Variants in KAT6B observed in about 807,000 individuals in gnomAD.
The protein encoded by KAT6B is histone acetyltransferase KAT6B.
KAT6B carries 10 observed loss-of-function variants against 187.5 expected under a neutral mutation model. The observed-to-expected ratio is 0.05, with a 90% CI of 0.03 to 0.09. The LOEUF is 0.09. Among genes scored for constraint, KAT6B ranks in the 10% least tolerant of loss-of-function variants. The pLI is 1.00. For synonymous variants in KAT6B, 861 were observed against 926.8 expected (o/e 0.93, Z 1.29); for missense variants, 1,952 against 2,558.9 (o/e 0.76, Z 5.12).
intron 7 of KAT6B, 79 bp from the exon 8 acceptor site, chr10:74,975,320 G>GT: frequency 8.6e-7 from 1 of 1,159,550 alleles, no homozygotes; most frequent in Non-Finnish European, 1.3e-6. Flanking sequence ...AATGCATCTA[G>GT]TTGCAATAAA....
intron 16 of KAT6B, among the ~76,000 whole-genome samples, chr10:75,024,483 G>A (rs1845664832): frequency 6.6e-6 from 1 of 152,182 alleles, no homozygotes; most frequent in Admixed American, 6.5e-5. Context: ...GGCTGGTCTT[G>A]TATCATATTT....
chr10:74,929,344 C>T (rs1023829870), intron 3 of KAT6B, among the ~76,000 whole-genome samples: 1 of 152,208 alleles, frequency 6.6e-6, no homozygotes, highest in African/African-American at 2.4e-5. Flanking sequence ...GTTTTGAAAA[C>T]ATTCCGTTTC....
intron 3 of KAT6B, among the ~76,000 whole-genome samples, chr10:74,868,696 C>T (rs963333886): frequency 1.3e-5 from 2 of 152,188 alleles, no homozygotes; most frequent in Non-Finnish European, 2.9e-5. Context: ...CATTTATATC[C>T]TAGTAACTAT....
At chr10:74,971,088 C>G (rs1010856616) in intron 6 of KAT6B, among the ~76,000 whole-genome samples, 1 of 152,124 alleles carries the variant, frequency 6.6e-6, no homozygotes, top group Non-Finnish European at 1.5e-5. Flanking sequence ...GTCTTACGTT[C>G]CAATTTGCTT....
chr10:74,924,895 A>G lies in KAT6B; in HGVS notation c.622-35075A>G, dbSNP rs921278929. On this transcript the variant is annotated intron_variant, in intron 3 of 17. Transcript: ENST00000287239. ...GGAATCAGTCAGTTTGCTATACTGA[A>G]TTTTTTTTTTTTCAGCTGTGTTCTA... Among the ~76,000 whole-genome samples the G allele has an allele frequency of 2.0e-5, 3 of 147,306 alleles. No individual in the cohort carries two copies. In the East Asian group the frequency reaches 5.9e-4, roughly 29 times the overall value.
chr10:74,976,176 T>G lies in KAT6B; in HGVS notation c.1839T>G (p.Ile613Met). The change falls in exon 8 of 18, where the codon ATT becomes ATG. Residue 613 changes from isoleucine (I) to methionine (M), a missense_variant. By Grantham distance (10) the Ile-to-Met change is conservative (BLOSUM62 1). Coordinates refer to ENST00000287239, the MANE Select transcript of KAT6B (RefSeq NM_012330.4). ...SSSWGMARGS[I>M]FKAIAHFKRT... ...GCTGGGGGATGGCTAGAGGAAGTAT[T>G]TTTAAAGCAATTGCTCACTTCAAGC... 6.2e-6 allele frequency: 10 copies of G among 1,614,222 alleles called. No homozygotes were observed. The highest frequency in any genetic ancestry group is 8.5e-6 in the Non-Finnish European group (10 of 1,180,034).
chr10:74,989,481 G>A (rs2278804), intron 13 of KAT6B, among the ~76,000 whole-genome samples: 47,696 of 152,120 alleles, frequency 0.31, 12,991 homozygotes, highest in African/African-American at 0.72. Context: ...TCAGCTCTCT[G>A]AAATTTTGCC....
intron 17 of KAT6B, chr10:75,025,705 G>A (rs960271441): frequency 1.9e-5 from 4 of 214,062 alleles, no homozygotes; most frequent in African/African-American, 9.3e-5. Context: ...AATCAGTAGT[G>A]TCGTAGTATA....
rs549818683 is a variant in KAT6B, at chr10:74,898,879, G to A, written c.621+55401G>A. Among the ~76,000 whole-genome samples, 4 of 151,846 alleles carry A rather than the reference G, an allele frequency of 2.6e-5. 1 individual carries two copies. The highest frequency in any genetic ancestry group is 4.2e-4 in the South Asian group (2 of 4,792). ...TATTTAGAATCAACCGGCTGGGCAC[G>A]GTGGCTCATTCCTGTAATCCTAGCA... is the stretch of plus-strand genomic sequence containing the variant. On this transcript the variant is annotated intron_variant, in intron 3 of 17. Coordinates refer to ENST00000287239, the MANE Select transcript of KAT6B (RefSeq NM_012330.4).
chr10:74,853,065 A>G (rs1842578562), intron 3 of KAT6B, among the ~76,000 whole-genome samples: 1 of 145,364 alleles, frequency 6.9e-6, no homozygotes, highest in Non-Finnish European at 1.5e-5. Context: ...ATGAAGGTCT[A>G]TATTCTTTTT....
chr10:74,899,631 C>A (rs996935340), intron 3 of KAT6B, among the ~76,000 whole-genome samples: 3 of 152,116 alleles, frequency 2.0e-5, no homozygotes, highest in African/African-American at 7.2e-5. Context: ...ATAATTTTTC[C>A]TTAGCCTGCA....
chr10:74,895,469 A>G (rs1243725596), intron 3 of KAT6B, among the ~76,000 whole-genome samples: 2 of 152,112 alleles, frequency 1.3e-5, no homozygotes, highest in Non-Finnish European at 2.9e-5. Context: ...TCTTCCCAAT[A>G]GGCCCTATGA....
At chr10:74,955,317 T>C (rs1409024494) in intron 3 of KAT6B, among the ~76,000 whole-genome samples, 1 of 150,664 alleles carries the variant, frequency 6.6e-6, no homozygotes, top group Non-Finnish European at 1.5e-5. Context: ...CCCGCAGATA[T>C]AGAGGGCCTA....
At chr10:74,869,635 A>G (rs1321153856) in intron 3 of KAT6B, among the ~76,000 whole-genome samples, 2 of 152,142 alleles carry the variant, frequency 1.3e-5, no homozygotes, top group African/African-American at 4.8e-5. Flanking sequence ...GAATTTCCCA[A>G]TCTCAACGAG....
At chr10:74,916,019 C>T (rs185609163) in intron 3 of KAT6B, among the ~76,000 whole-genome samples, 6 of 152,026 alleles carry the variant, frequency 3.9e-5, no homozygotes, top group African/African-American at 1.2e-4. Context: ...AAAAATTAGC[C>T]GGTCGTGGTG....
At chr10:74,876,661 C>G (rs1456965519) in intron 3 of KAT6B, among the ~76,000 whole-genome samples, 1 of 152,014 alleles carries the variant, frequency 6.6e-6, no homozygotes, top group Non-Finnish European at 1.5e-5. Flanking sequence ...TGCCTGTAAT[C>G]CCAGCACTTT....
chr10:75,030,196 A>G lies in KAT6B; in HGVS notation c.5372A>G (p.Asn1791Ser), dbSNP rs149443058. 5.6e-6 allele frequency: 9 copies of G among 1,614,122 alleles called. No homozygotes were observed. The highest frequency in any genetic ancestry group is 1.3e-5 in the African/African-American group (1 of 74,946). ...LAEIPETSNANIGLYERMGQS... is the reference protein window; with the variant it reads ...LAEIPETSNASIGLYERMGQS... ...GAAATCCCCGAGACGAGCAACGCCAACATTGGCTTATACGAGCGAATGGGT... is the reference window on the plus strand; with the variant it reads ...GAAATCCCCGAGACGAGCAACGCCAGCATTGGCTTATACGAGCGAATGGGT... Residue 1791 changes from asparagine to serine, a missense_variant, in exon 18 of 18, where the codon AAC becomes AGC. Coordinates refer to ENST00000287239, the MANE Select transcript of KAT6B (RefSeq NM_012330.4). The surrounding 1 kb of genome is among the most constrained non-coding windows in gnomAD (Gnocchi z 4.8).
chr10:74,837,687 A>G (rs1841405450), intron 1 of KAT6B, among the ~76,000 whole-genome samples: 4 of 152,104 alleles, frequency 2.6e-5, no homozygotes, highest in Admixed American at 2.6e-4. Context: ...TCTCTTGCTT[A>G]TATGAATTTA....
intron 3 of KAT6B, among the ~76,000 whole-genome samples, chr10:74,945,034 G>A (rs1288551552): frequency 6.6e-6 from 1 of 152,034 alleles, no homozygotes; most frequent in Non-Finnish European, 1.5e-5. Flanking sequence ...ATTTACCCAA[G>A]ATAAATGAAA....
Sources: allele counts gnomAD v4.1 joint callset (sites outside exome capture counted in the v4.1 genomes callset), GRCh38; gene constraint gnomAD v4.1.1; non-coding constraint Gnocchi (gnomAD v3.1); transcripts MANE v1.5; gene names NCBI Gene and HGNC (gene_info 2026-07-23, HGNC 2026-07-21).